Variants in ANK2 observed in about 807,000 individuals in gnomAD.
ANK2 encodes the protein ankyrin 2.
In ANK2, 83 loss-of-function variants were observed where a neutral mutation model predicts 360.5. That is an observed-to-expected ratio of 0.23 (90% CI 0.19 to 0.28). The LOEUF (loss-of-function observed/expected upper bound fraction) is 0.28. Ranked by LOEUF, ANK2 falls within the 10% of genes least tolerant of loss-of-function variation. The probability of loss-of-function intolerance (pLI) is 1.00; values close to 1 mark genes in which losing one functional copy is unlikely to be tolerated. For synonymous variants in ANK2, 1,740 were observed against 1,759.5 expected, an observed-to-expected ratio of 0.99 and a Z score of 0.28; for missense variants, 4,201 against 4,795.7, an observed-to-expected ratio of 0.88 and a Z score of 3.66.
At position 113,356,168 on chromosome 4, in the gene ANK2, C is replaced by T. The variant is rs756461250; in HGVS notation, c.7550C>T (p.Ala2517Val). The T allele has an allele frequency of 1.4e-5, 22 of 1,614,036 alleles. No homozygotes were observed. Among genetic ancestry groups the T allele is most frequent in the Non-Finnish European group, 1.9e-5 (22 of 1,179,984 alleles). ...CTACTCCGAGACCCTGATGGCAGTG[C>T]TGAGGATGACAGTCTTGAGCAGACA... is the stretch of plus-strand genomic sequence containing the variant. ...SRLLRDPDGS[A>V]EDDSLEQTSL... is the part of the protein sequence containing the mutation. Residue 2517 changes from alanine to valine, a missense_variant, in exon 38 of 46, where the codon GCT becomes GTT. By Grantham distance (64) the Ala-to-Val change is moderately conservative. Transcript: ENST00000357077.
At chr4:112,758,330 C>T in the ANK2 span, among the ~76,000 whole-genome samples, 1 of 152,080 alleles carries the variant, frequency 6.6e-6, no homozygotes, top group African/African-American at 2.4e-5. Context: ...TTATTAAGTA[C>T]TTCATAATAC....
the ANK2 span, among the ~76,000 whole-genome samples, chr4:112,756,082 A>G: frequency 2.0e-5 from 3 of 152,050 alleles, no homozygotes; most frequent in Non-Finnish European, 2.9e-5. Flanking sequence ...TACTAAAAAT[A>G]CAAAAAATTA....
At chr4:112,814,289 C>T (rs2055489359), upstream of ANK2, among the ~76,000 whole-genome samples, 1 of 152,034 alleles carries the variant, frequency 6.6e-6, no homozygotes, top group South Asian at 2.1e-4. Flanking sequence ...TGAACAATAA[C>T]TCAGCCAACG....
chr4:113,344,862 C>T (rs148261418), intron 34 of ANK2, among the ~76,000 whole-genome samples: 121 of 151,956 alleles, frequency 8.0e-4, no homozygotes, highest in African/African-American at 2.8e-3. Context: ...GACCTCTCCT[C>T]GAAGTGAAAT....
chr4:112,745,297 T>C, the ANK2 span, among the ~76,000 whole-genome samples: 1 of 152,206 alleles, frequency 6.6e-6, no homozygotes, highest in Non-Finnish European at 1.5e-5. Flanking sequence ...TTTCTTACTT[T>C]TTAATTTTTG....
At chr4:113,103,298 A>AT (rs1299353366) in intron 1 of ANK2, among the ~76,000 whole-genome samples, 2 of 151,970 alleles carry the variant, frequency 1.3e-5, no homozygotes, top group African/African-American at 2.4e-5. Context: ...TCTTTCACTA[A>AT]TTTTTTTTAA....
chr4:113,195,387 A>G (rs2153383964), intron 2 of ANK2, among the ~76,000 whole-genome samples: 1 of 152,150 alleles, frequency 6.6e-6, no homozygotes, highest in East Asian at 1.9e-4. Flanking sequence ...TTAGATAAGT[A>G]CTCTTCTATA....
chr4:112,815,842 A>C (rs1180656113), upstream of ANK2, among the ~76,000 whole-genome samples: 1 of 152,146 alleles, frequency 6.6e-6, no homozygotes, highest in Non-Finnish European at 1.5e-5. Context: ...AAGCTCCTGC[A>C]CTCTGGACAC....
chr4:113,108,382 T>C (rs7696537), intron 1 of ANK2, among the ~76,000 whole-genome samples: 31,003 of 152,172 alleles, frequency 0.2, 3,275 homozygotes, highest in African/African-American at 0.23. Context: ...CATAAAGCAA[T>C]AATTTTTGGA....
At chr4:113,074,774 A>G (rs928225361) in intron 1 of ANK2, among the ~76,000 whole-genome samples, 1 of 152,300 alleles carries the variant, frequency 6.6e-6, no homozygotes, top group African/African-American at 2.4e-5. Flanking sequence ...AGGCTAGGAG[A>G]AAAGGAGTAT....
chr4:112,829,541 C>CA (rs1260451605), intron 1 of ANK2, among the ~76,000 whole-genome samples: 1 of 138,612 alleles, frequency 7.2e-6, no homozygotes, highest in Non-Finnish European at 1.5e-5. Flanking sequence ...AGACACTTCT[C>CA]AAAAGAAGAC....
intron 1 of ANK2, among the ~76,000 whole-genome samples, chr4:113,089,596 C>T (rs1261996250): frequency 3.9e-5 from 6 of 152,158 alleles, no homozygotes; most frequent in Admixed American, 2.6e-4. Flanking sequence ...GAGGCTGAGG[C>T]GGGTGGATCA....
chr4:113,101,429 T>A (rs996418679), intron 1 of ANK2, among the ~76,000 whole-genome samples: 2 of 152,168 alleles, frequency 1.3e-5, no homozygotes, highest in Admixed American at 6.5e-5. Flanking sequence ...TCCCAAGGGA[T>A]GTGTCAAATT....
chr4:113,237,130 A>G lies in ANK2; in HGVS notation c.627A>G (p.Ala209=). 1.2e-6 allele frequency: 2 copies of G among 1,614,148 alleles called. No individual in the cohort carries two copies. Among genetic ancestry groups the G allele is most frequent in the Non-Finnish European group, 8.5e-7 (1 of 1,180,020 alleles). ...GGAAAGACGACACCAAATCTGCCGC[A>G]CTTCTGCTTCAGAATGACCACAATG... The part of the protein sequence containing the change: ...AARKDDTKSA[A]LLLQNDHNAD... The change falls in exon 6 of 46, where the codon GCA becomes GCG. Residue 209 remains alanine (A), a synonymous_variant. Transcript: ENST00000357077.
At chr4:112,929,743 C>A (rs1460395146) in intron 2 of ANK2, among the ~76,000 whole-genome samples, 1 of 152,170 alleles carries the variant, frequency 6.6e-6, no homozygotes, top group Non-Finnish European at 1.5e-5. Flanking sequence ...CATGGTAGTT[C>A]TCACTCTCAC....
chr4:112,810,957 A>T, the ANK2 span, among the ~76,000 whole-genome samples: 1 of 138,332 alleles, frequency 7.2e-6, no homozygotes, highest in Non-Finnish European at 1.5e-5. Flanking sequence ...TGAGACTGGG[A>T]ATGAGTCTTG....
intron 2 of ANK2, among the ~76,000 whole-genome samples, chr4:113,006,304 A>G (rs1389976947): frequency 6.6e-6 from 1 of 152,206 alleles, no homozygotes; most frequent in African/African-American, 2.4e-5. Context: ...TATATCAATA[A>G]AAGGAGGGAA....
chr4:112,864,573 G>A (rs943564906), intron 1 of ANK2, among the ~76,000 whole-genome samples: 4 of 151,890 alleles, frequency 2.6e-5, no homozygotes, highest in Non-Finnish European at 5.9e-5. Flanking sequence ...GCCTCCCAAA[G>A]TGCTGGGATT....
chr4:112,706,526 C>A, the ANK2 span, among the ~76,000 whole-genome samples: 1 of 152,124 alleles, frequency 6.6e-6, no homozygotes, highest in Non-Finnish European at 1.5e-5. Flanking sequence ...CCTCCCACCC[C>A]GCACAGAGGC....
Sources: gnomAD v4.1 joint callset for allele counts (sites outside exome capture counted in the v4.1 genomes callset) on GRCh38, gnomAD v4.1.1 for gene constraint, MANE v1.5 for transcripts, NCBI Gene and HGNC (gene_info 2026-07-23, HGNC 2026-07-21) for gene names.